The following SLC27A6 variants were observed in gnomAD, a reference collection of about 807,000 sequenced individuals.
SLC27A6 encodes the protein solute carrier family 27 member 6.
SLC27A6 carries 74 observed loss-of-function variants against 63.9 expected under a neutral mutation model. That is an observed-to-expected ratio of 1.16 (90% CI 0.96 to 1.40). SLC27A6 has a LOEUF of 1.40. SLC27A6 is among the 40% of genes most tolerant of loss of function. The pLI is 0.00. For synonymous variants in SLC27A6, 287 were observed against 260.8 expected (o/e 1.10, Z -0.97); for missense variants, 794 against 732.9 (o/e 1.08, Z -0.96).
intron 4 of SLC27A6, among the ~76,000 whole-genome samples, chr5:128,994,313 G>A (rs1181984): frequency 0.87 from 132,351 of 152,244 alleles, 58,626 homozygotes; most frequent in Non-Finnish European, 0.95. Context: ...TACCCAAAGG[G>A]AAACTTAATA....
At chr5:129,014,423 C>T (rs1479974541) in intron 4 of SLC27A6, among the ~76,000 whole-genome samples, 1 of 152,108 alleles carries the variant, frequency 6.6e-6, no homozygotes, top group East Asian at 1.9e-4. Context: ...CAACAGTTAC[C>T]AGGTAAGACT....
chr5:128,994,159 T>G (rs1047114225), intron 4 of SLC27A6, among the ~76,000 whole-genome samples: 4 of 151,812 alleles, frequency 2.6e-5, no homozygotes, highest in African/African-American at 9.7e-5. Context: ...AGAGCAAGAC[T>G]CTGTCTCAAA....
At chr5:128,978,848 A>G (rs1274721925) in intron 1 of SLC27A6, among the ~76,000 whole-genome samples, 1 of 152,162 alleles carries the variant, frequency 6.6e-6, no homozygotes, top group Non-Finnish European at 1.5e-5. Flanking sequence ...AGATTGTAAT[A>G]CTCTATTGTA....
At chr5:128,976,160 T>G (rs116538468) in intron 1 of SLC27A6, among the ~76,000 whole-genome samples, 1 of 152,132 alleles carries the variant, frequency 6.6e-6, no homozygotes, top group African/African-American at 2.4e-5. Flanking sequence ...GGTAAGATAA[T>G]AAAAGTTCAC....
At chr5:129,030,253 A>C (rs1482871797) in intron 9 of SLC27A6, among the ~76,000 whole-genome samples, 2 of 152,104 alleles carry the variant, frequency 1.3e-5, no homozygotes, top group Non-Finnish European at 2.9e-5. Context: ...TACAGTAAAA[A>C]GAAAACAAAT....
intron 1 of SLC27A6, among the ~76,000 whole-genome samples, chr5:128,978,456 T>G (rs576409576): frequency 1.8e-4 from 28 of 152,330 alleles, no homozygotes; most frequent in Non-Finnish European, 3.8e-4. Flanking sequence ...CTTGAGTACA[T>G]GGCAACCATT....
rs1020116887 is a variant in SLC27A6, at chr5:129,013,262, T to C, written c.970-2623T>C. On this transcript the variant is annotated intron_variant, in intron 4 of 9. Coordinates refer to ENST00000262462, the MANE Select transcript of SLC27A6 (RefSeq NM_001017372.3). ...CTGGTCCTCTTCATTCCTTCCTGCTTTTTGTTTCTTTGCTCCTGTATAATA... is the reference window on the plus strand; with the variant it reads ...CTGGTCCTCTTCATTCCTTCCTGCTCTTTGTTTCTTTGCTCCTGTATAATA... 2.0e-5 allele frequency among the ~76,000 whole-genome samples: 3 copies of C among 152,110 alleles called. No homozygotes were observed. In the South Asian group the frequency reaches 6.2e-4, roughly 32 times the overall value.
At chr5:128,986,585 A>G (rs1750795237) in intron 2 of SLC27A6, among the ~76,000 whole-genome samples, 1 of 152,156 alleles carries the variant, frequency 6.6e-6, no homozygotes, top group Non-Finnish European at 1.5e-5. Context: ...TTTTTTTTAC[A>G]TGATTAGAAC....
chr5:129,027,156 C>T lies in SLC27A6; in HGVS notation c.1279C>T (p.Arg427Ter), dbSNP rs1376014840. Residue 427 changes from arginine (R) to a stop codon, truncating the protein, a stop_gained, in exon 7 of 10, where the codon CGA becomes TGA. Transcript: ENST00000262462. LOFTEE classifies it high-confidence loss of function. ...KKGEPGLLISRVNAKNPFFGY... is the reference protein window; with the variant it reads ...KKGEPGLLIS ...AGGAGAACCTGGACTTCTCATTTCT[C>T]GAGTGAATGCAAAAAATCCCTTCTT... 7 of 1,613,132 alleles carry T rather than the reference C, an allele frequency of 4.3e-6. No homozygotes were observed. The Admixed American group carries it at 5.0e-5, about 12-fold the overall frequency.
intron 3 of SLC27A6, 77 bp from the exon 4 acceptor site, chr5:128,990,263 G>C: frequency 7.2e-7 from 1 of 1,396,988 alleles, no homozygotes; most frequent in Non-Finnish European, 9.9e-7. Context: ...TCTAGACAGA[G>C]AAACATCATT....
chr5:129,011,807 G>C (rs1217618505), intron 4 of SLC27A6, among the ~76,000 whole-genome samples: 1 of 152,060 alleles, frequency 6.6e-6, no homozygotes, highest in African/African-American at 2.4e-5. Flanking sequence ...AGTTAATAAA[G>C]ATATGCAAGT....
At chr5:128,966,993 A>C (rs1749928692) in intron 1 of SLC27A6, among the ~76,000 whole-genome samples, 1 of 152,136 alleles carries the variant, frequency 6.6e-6, no homozygotes, top group South Asian at 2.1e-4. Context: ...CCTACCTCTA[A>C]TTGTACTTTA....
At position 129,033,365 on chromosome 5, in the gene SLC27A6, G is replaced by A. The variant is rs1054182118; in HGVS notation, c.*83G>A. The A allele has an allele frequency of 3.2e-5, 24 of 756,320 alleles. No individual in the cohort carries two copies. In the Admixed American group the frequency reaches 6.8e-4, roughly 21 times the overall value. The allele number at this position is 756,320 out of a possible 1,614,324, so 46.9% of individuals were successfully genotyped here. A position where few individuals can be genotyped will look rare whatever the true frequency, so the allele number is the denominator to read the frequency against. The stretch of plus-strand genomic sequence containing the variant: ...TGATTCTTTATGAAATGGGGAAAGG[G>A]AGCTAACATTAATTATGCATGTACT... On this transcript the variant is annotated 3_prime_UTR_variant, in exon 10 of 10. Transcript: ENST00000262462.
chr5:128,972,099 C>T (rs531238397), intron 1 of SLC27A6, among the ~76,000 whole-genome samples: 2 of 152,288 alleles, frequency 1.3e-5, no homozygotes, highest in South Asian at 4.1e-4. Flanking sequence ...CCCCCATTCT[C>T]TTCTGGCTTG....
chr5:128,967,117 G>T (rs1208274894), intron 1 of SLC27A6, among the ~76,000 whole-genome samples: 4 of 152,162 alleles, frequency 2.6e-5, no homozygotes, highest in Non-Finnish European at 5.9e-5. Flanking sequence ...GCCTAGCAAG[G>T]TTGCGCTCCC....
At chr5:129,021,493 A>T (rs1752074406) in intron 5 of SLC27A6, among the ~76,000 whole-genome samples, 1 of 152,214 alleles carries the variant, frequency 6.6e-6, no homozygotes, top group African/African-American at 2.4e-5. Flanking sequence ...AAAATCTCCC[A>T]GGGCCAATGC....
intron 1 of SLC27A6, among the ~76,000 whole-genome samples, chr5:128,970,390 C>T (rs867729976): frequency 2.6e-5 from 4 of 152,060 alleles, no homozygotes; most frequent in East Asian, 3.9e-4. Flanking sequence ...TCTTGTCCTG[C>T]ACTTTTTTTG....
At chr5:129,009,940 G>C (rs1025037850) in intron 4 of SLC27A6, among the ~76,000 whole-genome samples, 1 of 152,184 alleles carries the variant, frequency 6.6e-6, no homozygotes, top group Non-Finnish European at 1.5e-5. Context: ...GCCTCCCAAA[G>C]TACTGGGATT....
intron 4 of SLC27A6, among the ~76,000 whole-genome samples, chr5:128,990,971 A>C (rs1477200622): frequency 1.3e-5 from 2 of 152,226 alleles, no homozygotes; most frequent in African/African-American, 4.8e-5. Flanking sequence ...GACGGTGAGC[A>C]AAAGCTCAGC....
Sources: allele counts gnomAD v4.1 joint callset (sites outside exome capture counted in the v4.1 genomes callset), GRCh38; gene constraint gnomAD v4.1.1; transcripts MANE v1.5; gene names NCBI Gene and HGNC (gene_info 2026-07-23, HGNC 2026-07-21).